The following LINGO2 variants were observed in gnomAD, a reference collection of about 807,000 sequenced individuals.
LINGO2 encodes leucine-rich repeat and immunoglobulin-like domain-containing nogo receptor-interacting protein 2.
In LINGO2, 14 loss-of-function variants were observed where a neutral mutation model predicts 30.6. That is an observed-to-expected ratio of 0.46 (90% CI 0.30 to 0.72). LINGO2 has a LOEUF of 0.72. Ranked by LOEUF, LINGO2 falls within the 30% of genes least tolerant of loss-of-function variation. The pLI is 0.07. For synonymous variants in LINGO2, 317 were observed against 288.5 expected (o/e 1.10, Z -1.00); for missense variants, 729 against 751.7 (o/e 0.97, Z 0.35).
At chr9:29,011,160 G>A in the LINGO2 span, among the ~76,000 whole-genome samples, 1 of 152,124 alleles carries the variant, frequency 6.6e-6, no homozygotes, top group African/African-American at 2.4e-5. Context: ...ACATATTCAT[G>A]AAACTTGCAT....
At chr9:29,046,357 T>G in the LINGO2 span, among the ~76,000 whole-genome samples, 2 of 152,128 alleles carry the variant, frequency 1.3e-5, no homozygotes, top group Non-Finnish European at 2.9e-5. Flanking sequence ...AACTACTATA[T>G]GTCTACAGTA....
intron 4 of LINGO2, among the ~76,000 whole-genome samples, chr9:28,102,234 A>G (rs1007923566): frequency 2.0e-5 from 3 of 151,994 alleles, no homozygotes; most frequent in Non-Finnish European, 4.4e-5. Flanking sequence ...ACAGCTTTCA[A>G]TTTTAAACAG....
intron 4 of LINGO2, among the ~76,000 whole-genome samples, chr9:28,087,555 AT>A (rs1825949520): frequency 6.6e-6 from 1 of 151,992 alleles, no homozygotes; most frequent in Admixed American, 6.6e-5. Flanking sequence ...TTCATTCTTC[AT>A]TCATTCTTGG....
At chr9:28,994,508 GA>G in the LINGO2 span, among the ~76,000 whole-genome samples, 5 of 150,546 alleles carry the variant, frequency 3.3e-5, no homozygotes, top group Non-Finnish European at 7.4e-5. Context: ...CACAGAATTG[GA>G]AAAAACTACT....
the LINGO2 span, among the ~76,000 whole-genome samples, chr9:29,130,158 A>G: frequency 2.6e-5 from 4 of 152,300 alleles, no homozygotes; most frequent in African/African-American, 9.6e-5. Flanking sequence ...AAGATGGGCA[A>G]TTGAACTTTA....
chr9:28,438,997 T>C, intron 2 of LINGO2, among the ~76,000 whole-genome samples: 1 of 147,246 alleles, frequency 6.8e-6, no homozygotes, highest in Middle Eastern at 3.6e-3. Flanking sequence ...ATAATATCTA[T>C]ACATTATATA....
At chr9:28,461,963 G>A (rs766645585) in intron 2 of LINGO2, among the ~76,000 whole-genome samples, 1 of 152,076 alleles carries the variant, frequency 6.6e-6, no homozygotes, top group Non-Finnish European at 1.5e-5. Context: ...GAGAATCAGT[G>A]ACTTAGTCTA....
intron 1 of LINGO2, among the ~76,000 whole-genome samples, chr9:28,552,751 A>C (rs140262194): frequency 1.5e-4 from 21 of 141,520 alleles, no homozygotes; most frequent in Admixed American, 1.4e-4. Flanking sequence ...ATTTTATTTT[A>C]TTTTATTTCT....
chr9:28,725,805 G>GA, the LINGO2 span, among the ~76,000 whole-genome samples: 1 of 151,658 alleles, frequency 6.6e-6, no homozygotes, highest in Non-Finnish European at 1.5e-5. Context: ...AATTAACATT[G>GA]AAAAAAATCC....
chr9:28,476,497 G>C (rs537081989), intron 1 of LINGO2, among the ~76,000 whole-genome samples: 12 of 152,096 alleles, frequency 7.9e-5, no homozygotes, highest in African/African-American at 1.4e-4. Flanking sequence ...GGATGGTCTC[G>C]ATCTCCTGAC....
chr9:28,159,827 G>T (rs1208024756), intron 4 of LINGO2, among the ~76,000 whole-genome samples: 1 of 152,068 alleles, frequency 6.6e-6, no homozygotes, highest in Admixed American at 6.5e-5. Context: ...ATATTTTTAT[G>T]ATTGAATATA....
intron 4 of LINGO2, among the ~76,000 whole-genome samples, chr9:28,245,355 G>A (rs1821959043): frequency 6.6e-6 from 1 of 152,104 alleles, no homozygotes; most frequent in Admixed American, 6.6e-5. Context: ...TATACTAAAT[G>A]GGCTAAAGCT....
the LINGO2 span, among the ~76,000 whole-genome samples, chr9:28,939,123 G>T: frequency 4.6e-5 from 7 of 152,132 alleles, no homozygotes; most frequent in African/African-American, 1.7e-4. Context: ...GTGCAAGAAT[G>T]ACCGTGGAGG....
chr9:28,735,051 C>T, the LINGO2 span, among the ~76,000 whole-genome samples: 2 of 151,936 alleles, frequency 1.3e-5, no homozygotes, highest in South Asian at 4.1e-4. Context: ...GTTTTTTGTA[C>T]TTCTGATTTT....
chr9:28,467,473 T>C (rs1825361552), intron 2 of LINGO2, among the ~76,000 whole-genome samples: 1 of 152,202 alleles, frequency 6.6e-6, no homozygotes, highest in Non-Finnish European at 1.5e-5. Flanking sequence ...TTTTTAGTCA[T>C]TGGAATTCTT....
intron 1 of LINGO2, among the ~76,000 whole-genome samples, chr9:28,607,074 TG>T (rs1825725147): frequency 1.3e-5 from 2 of 152,032 alleles, no homozygotes; most frequent in Non-Finnish European, 2.9e-5. Flanking sequence ...ATACCTGTCT[TG>T]GTATTCTGAG....
intron 1 of LINGO2, among the ~76,000 whole-genome samples, chr9:28,624,882 C>T (rs554779229): frequency 1.7e-4 from 26 of 151,264 alleles, no homozygotes; most frequent in African/African-American, 5.8e-4. Flanking sequence ...TGTTCACTCT[C>T]CTCTCCTCAA....
the LINGO2 span, among the ~76,000 whole-genome samples, chr9:29,128,212 C>T: frequency 2.3e-3 from 346 of 152,230 alleles, 1 homozygote; most frequent in African/African-American, 7.9e-3. Flanking sequence ...AGATTAGACA[C>T]CAAACGGGGA....
chr9:29,018,187 G>A, the LINGO2 span, among the ~76,000 whole-genome samples: 1 of 150,540 alleles, frequency 6.6e-6, no homozygotes, highest in Admixed American at 6.6e-5. Context: ...GATGCAAGAA[G>A]AGAAAACGGA....
Sources: gnomAD v4.1 joint callset for allele counts (sites outside exome capture counted in the v4.1 genomes callset) on GRCh38, gnomAD v4.1.1 for gene constraint, MANE v1.5 for transcripts, NCBI Gene and HGNC (gene_info 2026-07-23, HGNC 2026-07-21) for gene names.